Variants in GUCY1A1 observed in about 807,000 individuals in gnomAD.
The protein encoded by GUCY1A1 is guanylate cyclase soluble subunit alpha-1.
GUCY1A1 carries 48 observed loss-of-function variants against 64.5 expected under a neutral mutation model. That is an observed-to-expected ratio of 0.74 (90% CI 0.59 to 0.95). GUCY1A1 has a LOEUF of 0.95. Among genes scored for constraint, GUCY1A1 ranks in the 40% least tolerant of loss-of-function variants. The pLI, the probability that GUCY1A1 is intolerant of heterozygous loss-of-function variation, is 0.00. For synonymous variants in GUCY1A1, 308 were observed against 303.4 expected, an observed-to-expected ratio of 1.02 and a Z score of -0.16; for missense variants, 804 against 825.3, an observed-to-expected ratio of 0.97 and a Z score of 0.32.
intron 9 of GUCY1A1, among the ~76,000 whole-genome samples, chr4:155,727,992 G>A (rs1347183120): frequency 6.6e-6 from 1 of 151,780 alleles, no homozygotes; most frequent in Non-Finnish European, 1.5e-5. Flanking sequence ...TTCCAGGAAG[G>A]AAAATGGGTA....
At chr4:155,729,292 T>C (rs1427904067) in intron 9 of GUCY1A1, among the ~76,000 whole-genome samples, 3 of 151,908 alleles carry the variant, frequency 2.0e-5, no homozygotes, top group African/African-American at 7.2e-5. Flanking sequence ...TCTCATTTGA[T>C]GGAAAGCTAG....
At chr4:155,723,784 TC>T in intron 9 of GUCY1A1, among the ~76,000 whole-genome samples, 1 of 152,144 alleles carries the variant, frequency 6.6e-6, no homozygotes, top group East Asian at 1.9e-4. Context: ...TGCCTCAGCC[TC>T]CCAAGTAGGT....
At chr4:155,720,337 T>TTCTATCTATCTA (rs59667368) in intron 8 of GUCY1A1, among the ~76,000 whole-genome samples, 1,557 of 149,898 alleles carry the variant, frequency 0.01, 16 homozygotes, top group East Asian at 0.033. Flanking sequence ...AAGAGCTTTA[T>TTCTATCTATCTA]TCTATCTATC....
At chr4:155,699,964 T>C (rs1381194366) in intron 3 of GUCY1A1, among the ~76,000 whole-genome samples, 4 of 152,186 alleles carry the variant, frequency 2.6e-5, no homozygotes, top group Non-Finnish European at 5.9e-5. Flanking sequence ...GATCATCTAA[T>C]GCAAACTTAT....
At chr4:155,696,708 G>T in intron 2 of GUCY1A1, 48 bp from the exon 3 acceptor site, 2 of 589,200 alleles carry the variant, frequency 3.4e-6, no homozygotes, top group South Asian at 2.5e-5. Flanking sequence ...GTTTTCATCC[G>T]TGCATAAAGT....
chr4:155,675,168 T>A (rs1406706936), intron 2 of GUCY1A1, among the ~76,000 whole-genome samples: 1 of 151,672 alleles, frequency 6.6e-6, no homozygotes, highest in East Asian at 1.9e-4. Flanking sequence ...ATTTGCAATA[T>A]CACTTTGCAG....
intron 5 of GUCY1A1, among the ~76,000 whole-genome samples, chr4:155,709,771 T>C (rs1326492330): frequency 6.6e-6 from 1 of 151,960 alleles, no homozygotes; most frequent in East Asian, 1.9e-4. Context: ...AGGCAGAGCT[T>C]ACAGTGAGCC....
intron 4 of GUCY1A1, among the ~76,000 whole-genome samples, chr4:155,706,951 T>C (rs1391562974): frequency 6.6e-6 from 1 of 152,238 alleles, no homozygotes; most frequent in East Asian, 1.9e-4. Flanking sequence ...TCAATTTCTA[T>C]GCTGTAAAAC....
chr4:155,716,852 T>A (rs1361114513), intron 7 of GUCY1A1, among the ~76,000 whole-genome samples: 1 of 152,086 alleles, frequency 6.6e-6, no homozygotes, highest in African/African-American at 2.4e-5. Context: ...AAAAACTATC[T>A]TATATGGTGA....
At chr4:155,705,754 G>A (rs1731681285) in intron 4 of GUCY1A1, among the ~76,000 whole-genome samples, 1 of 152,136 alleles carries the variant, frequency 6.6e-6, no homozygotes, top group South Asian at 2.1e-4. Flanking sequence ...TGGATCATAT[G>A]TGCTTGATTT....
intron 2 of GUCY1A1, chr4:155,668,153 C>A (rs1247052522): frequency 6.6e-6 from 1 of 152,406 alleles, no homozygotes; most frequent in African/African-American, 2.4e-5. Context: ...TGTCTGCACC[C>A]TGTCGCCTGA....
intron 2 of GUCY1A1, among the ~76,000 whole-genome samples, chr4:155,696,321 C>T (rs1005670355): frequency 5.9e-5 from 9 of 151,638 alleles, no homozygotes; most frequent in African/African-American, 2.2e-4. Context: ...TTTTGGAAGC[C>T]ATTGGTTTTT....
chr4:155,729,987 G>A (rs1022457262), intron 9 of GUCY1A1, 43 bp from the exon 10 acceptor site: 1 of 1,206,832 alleles, frequency 8.3e-7, no homozygotes, highest in Non-Finnish European at 1.2e-6. Context: ...CTTTTTTTGA[G>A]TGGACAAACA....
chr4:155,729,725 A>C (rs1735286449), intron 9 of GUCY1A1, among the ~76,000 whole-genome samples: 1 of 151,890 alleles, frequency 6.6e-6, no homozygotes. Flanking sequence ...TGCTACTATT[A>C]AATCTTTGGA....
intron 6 of GUCY1A1, 99 bp from the exon 7 acceptor site, chr4:155,712,999 A>G: frequency 1.9e-6 from 2 of 1,026,718 alleles, no homozygotes; most frequent in South Asian, 3.2e-5. Flanking sequence ...GCAGGTTTAA[A>G]CACAAAGGGT....
intron 2 of GUCY1A1, among the ~76,000 whole-genome samples, chr4:155,670,379 G>A (rs1248424643): frequency 6.6e-6 from 1 of 152,188 alleles, no homozygotes; most frequent in African/African-American, 2.4e-5. Context: ...TTTTGTCAAT[G>A]TTTAGTTACT....
At chr4:155,680,735 C>T (rs950912986) in intron 2 of GUCY1A1, among the ~76,000 whole-genome samples, 1 of 151,980 alleles carries the variant, frequency 6.6e-6, no homozygotes, top group Non-Finnish European at 1.5e-5. Context: ...AATATATTTA[C>T]CATTTATTAA....
chr4:155,667,596 A>T (rs1733499473), intron 2 of GUCY1A1, 177 bp downstream of exon 2: 1 of 152,092 alleles, frequency 6.6e-6, no homozygotes, highest in Non-Finnish European at 1.5e-5. Flanking sequence ...AGCGAGAGGA[A>T]AGGAGAGGAC....
chr4:155,719,532 C>A (rs1733693647), intron 8 of GUCY1A1, among the ~76,000 whole-genome samples: 1 of 152,056 alleles, frequency 6.6e-6, no homozygotes, highest in Non-Finnish European at 1.5e-5. Context: ...TGCTTCTTGC[C>A]CTGCTACCTC....
Sources: gnomAD v4.1 joint callset for allele counts (sites outside exome capture counted in the v4.1 genomes callset) on GRCh38, gnomAD v4.1.1 for gene constraint, MANE v1.5 for transcripts, NCBI Gene and HGNC (gene_info 2026-07-23, HGNC 2026-07-21) for gene names.